The following NCKAP5 variants were observed in gnomAD, a reference collection of about 807,000 sequenced individuals.
The protein encoded by NCKAP5 is NCK associated protein 5.
A neutral mutation model predicts 167.0 loss-of-function variants in NCKAP5; 92 were observed. That is an observed-to-expected ratio of 0.55 (90% confidence interval 0.47 to 0.66). The LOEUF (loss-of-function observed/expected upper bound fraction) is 0.66. Among genes scored for constraint, NCKAP5 ranks in the 30% least tolerant of loss-of-function variants. The pLI, the probability that NCKAP5 is intolerant of heterozygous loss-of-function variation, is 0.00. For missense variants in NCKAP5, 2,378 were observed against 2,315.0 expected (o/e 1.03, Z -0.56); for synonymous variants, 891 against 877.4 (o/e 1.02, Z -0.27).
intron 19 of NCKAP5, among the ~76,000 whole-genome samples, chr2:132,683,625 A>G (rs1685548214): frequency 6.6e-6 from 1 of 152,196 alleles, no homozygotes. Context: ...CCAGGATATT[A>G]CCTTGGTTCA....
intron 6 of NCKAP5, among the ~76,000 whole-genome samples, chr2:133,089,736 G>C (rs1232164948): frequency 2.0e-5 from 3 of 152,174 alleles, no homozygotes; most frequent in African/African-American, 7.2e-5. Context: ...GGCAATTTTT[G>C]TTTGGGAATC....
intron 4 of NCKAP5, among the ~76,000 whole-genome samples, chr2:133,294,190 G>A (rs1679796706): frequency 6.6e-6 from 1 of 152,158 alleles, no homozygotes; most frequent in South Asian, 2.1e-4. Flanking sequence ...TTTATTCAGT[G>A]TCCACCATTA....
At chr2:133,436,372 C>T (rs535212219) in intron 3 of NCKAP5, among the ~76,000 whole-genome samples, 2 of 152,318 alleles carry the variant, frequency 1.3e-5, no homozygotes, top group South Asian at 2.1e-4. Flanking sequence ...CAGACTGGGA[C>T]TCACACATCT....
intron 19 of NCKAP5, among the ~76,000 whole-genome samples, chr2:132,694,588 A>G (rs1355529489): frequency 6.6e-6 from 1 of 152,198 alleles, no homozygotes; most frequent in East Asian, 1.9e-4. Flanking sequence ...ATTTCTCCCC[A>G]CAATATGCTA....
At chr2:133,534,008 G>A (rs951401373) in intron 2 of NCKAP5, among the ~76,000 whole-genome samples, 2 of 152,050 alleles carry the variant, frequency 1.3e-5, no homozygotes, top group Non-Finnish European at 2.9e-5. Flanking sequence ...ATTTTGACCT[G>A]GATTGGATAT....
intron 19 of NCKAP5, among the ~76,000 whole-genome samples, chr2:132,683,681 C>A (rs1647721344): frequency 6.6e-6 from 1 of 152,164 alleles, no homozygotes; most frequent in Non-Finnish European, 1.5e-5. Context: ...ATTGTATCTA[C>A]CCTTTTCTTA....
the NCKAP5 span, among the ~76,000 whole-genome samples, chr2:133,650,160 G>A: frequency 2.6e-5 from 4 of 152,022 alleles, no homozygotes; most frequent in Non-Finnish European, 5.9e-5. Context: ...GACCTAAGGA[G>A]GTGAAAGAAT....
intron 6 of NCKAP5, among the ~76,000 whole-genome samples, chr2:133,100,098 A>C (rs2081461800): frequency 6.6e-6 from 1 of 152,216 alleles, no homozygotes. Flanking sequence ...AAAAGTTAAC[A>C]GGGTAGATGA....
At chr2:132,989,245 C>T (rs576777176) in intron 7 of NCKAP5, among the ~76,000 whole-genome samples, 2 of 152,310 alleles carry the variant, frequency 1.3e-5, no homozygotes, top group Admixed American at 6.5e-5. Context: ...AATGATGCCC[C>T]TCTCCAATGG....
At chr2:133,620,312 C>T in the NCKAP5 span, among the ~76,000 whole-genome samples, 2 of 151,920 alleles carry the variant, frequency 1.3e-5, no homozygotes, top group Non-Finnish European at 2.9e-5. Context: ...GAATAATTCA[C>T]CAACGAAGTT....
At chr2:133,177,534 T>C (rs558505681) in intron 5 of NCKAP5, among the ~76,000 whole-genome samples, 2 of 152,284 alleles carry the variant, frequency 1.3e-5, no homozygotes, top group South Asian at 4.1e-4. Flanking sequence ...CCATGTTAAA[T>C]AACCCTTATC....
intron 4 of NCKAP5, among the ~76,000 whole-genome samples, chr2:133,222,180 TC>T (rs1187975852): frequency 8.5e-5 from 13 of 152,076 alleles, no homozygotes; most frequent in African/African-American, 2.9e-4. Flanking sequence ...TTACTGAGAA[TC>T]CCAAAGAGCT....
chr2:132,729,150 A>C (rs952141255), intron 17 of NCKAP5, among the ~76,000 whole-genome samples, 198 bp from the exon 18 acceptor site: 8 of 152,202 alleles, frequency 5.3e-5, no homozygotes, highest in African/African-American at 1.9e-4. Context: ...CATCTATAGA[A>C]GCCCCTTTTC....
intron 5 of NCKAP5, among the ~76,000 whole-genome samples, chr2:133,145,682 T>C (rs1294134315): frequency 6.6e-6 from 1 of 152,106 alleles, no homozygotes; most frequent in Non-Finnish European, 1.5e-5. Context: ...ATGTAGTTCA[T>C]ATTTTAAAGA....
rs568485073 is a variant in NCKAP5, at chr2:133,214,841, C to T, written c.144-1062G>A. On this transcript the variant is annotated intron_variant, in intron 4 of 19. Coordinates refer to ENST00000409261, the MANE Select transcript of NCKAP5 (RefSeq NM_207363.3). ...CCCAGGATCAGCTATATGCAATCAG[C>T]TATATGTAAACATAAAGGATGCAGT... 5.3e-5 allele frequency among the ~76,000 whole-genome samples: 8 copies of T among 152,260 alleles called. No individual in the cohort carries two copies. The South Asian group carries it at 8.3e-4, about 16-fold the overall frequency.
chr2:133,575,215 C>A, the NCKAP5 span, among the ~76,000 whole-genome samples: 1 of 152,224 alleles, frequency 6.6e-6, no homozygotes, highest in Non-Finnish European at 1.5e-5. Flanking sequence ...TAGGCAGGAG[C>A]CTCTTGGCTC....
At chr2:133,454,703 A>G (rs1463375427) in intron 3 of NCKAP5, among the ~76,000 whole-genome samples, 1 of 152,116 alleles carries the variant, frequency 6.6e-6, no homozygotes, top group Non-Finnish European at 1.5e-5. Context: ...AGATGGTTCA[A>G]CATTTCAAGG....
chr2:133,542,584 G>A (rs1432204780), intron 2 of NCKAP5, among the ~76,000 whole-genome samples: 2 of 152,266 alleles, frequency 1.3e-5, no homozygotes, highest in Non-Finnish European at 2.9e-5. Context: ...CAGTGAAATC[G>A]CAGTTCTCCT....
chr2:132,869,049 GTTT>G, intron 9 of NCKAP5, 75 bp from the exon 10 acceptor site: 1 of 1,073,844 alleles, frequency 9.3e-7, no homozygotes, highest in Non-Finnish European at 1.3e-6. Context: ...TTACCAATAA[GTTT>G]CTCGCAGCTT....
Sources: gnomAD v4.1 joint callset for allele counts (sites outside exome capture counted in the v4.1 genomes callset) on GRCh38, gnomAD v4.1.1 for gene constraint, MANE v1.5 for transcripts, NCBI Gene and HGNC (gene_info 2026-07-23, HGNC 2026-07-21) for gene names.